The following EXOC4 variants were observed in gnomAD, a reference collection of about 807,000 sequenced individuals.
EXOC4 encodes the protein SEC8-like 1.
EXOC4 carries 71 observed loss-of-function variants against 107.2 expected under a neutral mutation model. That is an observed-to-expected ratio of 0.66 (90% CI 0.55 to 0.81). The LOEUF (loss-of-function observed/expected upper bound fraction) is 0.81, where lower values mean the gene tolerates loss of function less well. Among genes scored for constraint, EXOC4 ranks in the 30% least tolerant of loss-of-function variants. EXOC4 has a pLI of 0.00. For missense variants in EXOC4, 1,108 were observed against 1,189.6 expected (o/e 0.93, Z 1.01); for synonymous variants, 456 against 441.2 (o/e 1.03, Z -0.42).
At chr7:133,334,854 A>T (rs949575406) in intron 5 of EXOC4, among the ~76,000 whole-genome samples, 1 of 152,128 alleles carries the variant, frequency 6.6e-6, no homozygotes, top group Non-Finnish European at 1.5e-5. Context: ...TTAGTTTGCT[A>T]TGGATAATGG....
intron 11 of EXOC4, among the ~76,000 whole-genome samples, chr7:133,877,807 G>A (rs1016609559): frequency 5.3e-5 from 8 of 152,228 alleles, no homozygotes; most frequent in East Asian, 3.9e-4. Context: ...CTCTCTTTGC[G>A]AAGCTCCCCA....
chr7:134,059,949 C>G (rs1449408025), intron 17 of EXOC4, among the ~76,000 whole-genome samples: 1 of 152,058 alleles, frequency 6.6e-6, no homozygotes, highest in Non-Finnish European at 1.5e-5. Context: ...CCTGTATTTC[C>G]TTCCTGGTAG....
intron 11 of EXOC4, among the ~76,000 whole-genome samples, chr7:133,879,904 C>T (rs1198508422): frequency 6.6e-6 from 1 of 152,212 alleles, no homozygotes. Flanking sequence ...AACCCTCAGC[C>T]TGTCTGTCTT....
At position 134,018,888 on chromosome 7, in the gene EXOC4, T is replaced by C. The variant is rs981586414; in HGVS notation, c.2687+11053T>C. Among the ~76,000 whole-genome samples the C allele has an allele frequency of 6.6e-5, 10 of 152,112 alleles. No individual in the cohort carries two copies. The South Asian group carries it at 1.5e-3, about 22-fold the overall frequency. ...TGAAAATAATATGGGTTTTAAAATA[T>C]GTTTGATATGTATTACTTTCGATGT... On this transcript the variant is annotated intron_variant, in intron 17 of 17. Coordinates refer to ENST00000253861, the MANE Select transcript of EXOC4 (RefSeq NM_021807.4).
intron 14 of EXOC4, among the ~76,000 whole-genome samples, chr7:133,989,803 G>C (rs10234153): frequency 0.25 from 37,627 of 151,924 alleles, 5,197 homozygotes; most frequent in East Asian, 0.43. Flanking sequence ...CTTTTGAAGT[G>C]TTTGTTGAGG....
chr7:133,502,687 A>T (rs891478105), intron 9 of EXOC4, among the ~76,000 whole-genome samples: 6 of 152,164 alleles, frequency 3.9e-5, no homozygotes, highest in Non-Finnish European at 8.8e-5. Context: ...GAAGTAAGGC[A>T]ACCGCAGGTT....
chr7:133,841,921 T>G (rs1033224338), intron 11 of EXOC4, among the ~76,000 whole-genome samples: 1 of 152,218 alleles, frequency 6.6e-6, no homozygotes, highest in African/African-American at 2.4e-5. Context: ...AGTTTTGATT[T>G]TCTGTTTCTG....
chr7:133,556,633 A>G (rs568610258), intron 9 of EXOC4, among the ~76,000 whole-genome samples: 1 of 150,680 alleles, frequency 6.6e-6, no homozygotes, highest in East Asian at 2.0e-4. Context: ...ATTTCTGCTT[A>G]GTTGCTAGAG....
At chr7:133,342,923 C>G (rs147250960) in intron 5 of EXOC4, among the ~76,000 whole-genome samples, 1 of 152,102 alleles carries the variant, frequency 6.6e-6, no homozygotes, top group African/African-American at 2.4e-5. Context: ...TTTTTCCATC[C>G]ATAGCTTGTA....
intron 10 of EXOC4, among the ~76,000 whole-genome samples, chr7:133,701,000 A>G (rs1411569446): frequency 6.6e-6 from 1 of 152,186 alleles, no homozygotes; most frequent in Non-Finnish European, 1.5e-5. Context: ...AATATAATGT[A>G]TTCTTACCTG....
chr7:133,345,251 C>CAAGATT (rs1795757865), intron 5 of EXOC4, among the ~76,000 whole-genome samples: 1 of 152,124 alleles, frequency 6.6e-6, no homozygotes, highest in African/African-American at 2.4e-5. Flanking sequence ...CAAGGTCCAG[C>CAAGATT]AAGATTAAAT....
intron 10 of EXOC4, among the ~76,000 whole-genome samples, chr7:133,739,023 C>T (rs1795505607): frequency 6.6e-6 from 1 of 152,132 alleles, no homozygotes; most frequent in African/African-American, 2.4e-5. Flanking sequence ...GTACTCTTAG[C>T]TATAAAATGT....
chr7:133,770,502 T>G (rs1179236953), intron 10 of EXOC4, among the ~76,000 whole-genome samples: 1 of 151,950 alleles, frequency 6.6e-6, no homozygotes, highest in Non-Finnish European at 1.5e-5. Context: ...TTTGTAAACA[T>G]TGAAAGTAAG....
intron 11 of EXOC4, among the ~76,000 whole-genome samples, chr7:133,828,878 G>C (rs1172216452): frequency 2.0e-5 from 3 of 152,194 alleles, no homozygotes; most frequent in Non-Finnish European, 2.9e-5. Flanking sequence ...ATTTAGTAGG[G>C]ATCAATTAAT....
chr7:133,866,334 T>C (rs1255093715), intron 11 of EXOC4, among the ~76,000 whole-genome samples: 1 of 152,126 alleles, frequency 6.6e-6, no homozygotes, highest in Admixed American at 6.5e-5. Context: ...GTACCAGACA[T>C]TGACTAGATG....
At chr7:133,582,489 C>T (rs1030100367) in intron 9 of EXOC4, among the ~76,000 whole-genome samples, 14 of 152,074 alleles carry the variant, frequency 9.2e-5, no homozygotes, top group Non-Finnish European at 1.6e-4. Flanking sequence ...GACTGCTTTG[C>T]GGGGTTGTTA....
At chr7:133,892,431 T>C (rs1435459927) in intron 11 of EXOC4, among the ~76,000 whole-genome samples, 2 of 22,298 alleles carry the variant, frequency 9.0e-5, no homozygotes, top group African/African-American at 9.4e-4. Flanking sequence ...TTCCTTCAGT[T>C]CTGCTCTGAT....
At chr7:133,677,112 T>C (rs1214863664) in intron 10 of EXOC4, among the ~76,000 whole-genome samples, 1 of 152,136 alleles carries the variant, frequency 6.6e-6, no homozygotes, top group Admixed American at 6.6e-5. Context: ...GCTCCCTGTT[T>C]CATATACATG....
At chr7:133,402,142 A>T (rs1797104005) in intron 7 of EXOC4, among the ~76,000 whole-genome samples, 1 of 152,300 alleles carries the variant, frequency 6.6e-6, no homozygotes, top group Non-Finnish European at 1.5e-5. Flanking sequence ...TTTCTTGCGG[A>T]AAGTATTTAA....
Sources: gnomAD v4.1 joint callset for allele counts (sites outside exome capture counted in the v4.1 genomes callset) on GRCh38, gnomAD v4.1.1 for gene constraint, MANE v1.5 for transcripts, NCBI Gene and HGNC (gene_info 2026-07-23, HGNC 2026-07-21) for gene names.